SMG7: variants seen among roughly 807,000 people sequenced by gnomAD.
SMG7 encodes nonsense-mediated mRNA decay factor SMG7.
SMG7 carries 34 observed loss-of-function variants against 148.2 expected under a neutral mutation model. The ratio of observed to expected loss-of-function variants is 0.23; its 90% CI spans 0.17 to 0.31. SMG7 has a LOEUF of 0.31. Among genes scored for constraint, SMG7 ranks in the 10% least tolerant of loss-of-function variants. The pLI, the probability that SMG7 is intolerant of heterozygous loss-of-function variation, is 1.00. For missense variants in SMG7, 1,114 were observed against 1,408.4 expected (o/e 0.79, Z 3.35); for synonymous variants, 492 against 515.1 (o/e 0.96, Z 0.61).
chr1:183,540,978 T>C lies in SMG7; in HGVS notation c.1296-6T>C. ...TATTCTCATAACTTGCTTGTGTCAA[T>C]TTTAGGAACTTGGATTTTTCCAAAG... On this transcript the variant is annotated splice_region_variant and splice_polypyrimidine_tract_variant and intron_variant, in intron 12 of 22. Transcript: ENST00000688051. 1 of 1,611,024 alleles carries C rather than the reference T, an allele frequency of 6.2e-7. No homozygotes were observed. The highest frequency in any genetic ancestry group is 8.5e-7 in the Non-Finnish European group (1 of 1,178,436).
At chr1:183,538,466 T>A (rs1307248456) in intron 12 of SMG7, 26 bp downstream of exon 12, 2 of 1,469,954 alleles carry the variant, frequency 1.4e-6, no homozygotes, top group Non-Finnish European at 1.9e-6. Context: ...AGTACCTTTA[T>A]CATTGCCAGT....
intron 1 of SMG7, among the ~76,000 whole-genome samples, chr1:183,477,416 GTGTA>G (rs1006554594): frequency 6.7e-6 from 1 of 149,208 alleles, no homozygotes; most frequent in Non-Finnish European, 1.5e-5. Flanking sequence ...GTGTGTGTGT[GTGTA>G]TGTGTGCATA....
chr1:183,489,277 C>T (rs1656335939), intron 1 of SMG7, among the ~76,000 whole-genome samples: 1 of 152,126 alleles, frequency 6.6e-6, no homozygotes, highest in Non-Finnish European at 1.5e-5. Flanking sequence ...CTGCCCAGGT[C>T]TGGTCCTCAT....
At chr1:183,491,812 C>A (rs1285942541) in intron 1 of SMG7, among the ~76,000 whole-genome samples, 1 of 152,098 alleles carries the variant, frequency 6.6e-6, no homozygotes, top group Non-Finnish European at 1.5e-5. Flanking sequence ...GCTGGGAAGT[C>A]CAGTATTAAG....
chr1:183,481,274 T>C (rs1654037075), intron 1 of SMG7, among the ~76,000 whole-genome samples: 1 of 152,198 alleles, frequency 6.6e-6, no homozygotes, highest in Non-Finnish European at 1.5e-5. Context: ...TCTCTTCCCA[T>C]GTCATTTCCC....
intron 1 of SMG7, among the ~76,000 whole-genome samples, chr1:183,501,977 C>T (rs11799872): frequency 2.1e-3 from 314 of 152,152 alleles, no homozygotes; most frequent in African/African-American, 7.2e-3. Flanking sequence ...GCTTGGTAAC[C>T]GGTATCTGTT....
At chr1:183,486,890 A>G (rs1425729929) in intron 1 of SMG7, among the ~76,000 whole-genome samples, 1 of 152,038 alleles carries the variant, frequency 6.6e-6, no homozygotes, top group African/African-American at 2.4e-5. Context: ...CTTCGTAGAG[A>G]TGGGTCTCTC....
intron 2 of SMG7, 69 bp from the exon 3 acceptor site, chr1:183,515,805 G>C (rs752234371): frequency 5.7e-6 from 5 of 876,610 alleles, no homozygotes; most frequent in African/African-American, 1.7e-5. Flanking sequence ...GGAGTCACTG[G>C]TGTGGTATAA....
chr1:183,499,477 G>A lies in SMG7; in HGVS notation c.30-13360G>A, dbSNP rs563681536. 8.5e-5 allele frequency among the ~76,000 whole-genome samples: 13 copies of A among 152,224 alleles called. No homozygotes were observed. The South Asian group carries it at 2.7e-3, about 32-fold the overall frequency. ...TCGTAGATCATTATTGTTTTAACTT[G>A]CATTTCCCTGAGACGTTTTATGTGG... On this transcript the variant is annotated intron_variant, in intron 1 of 22. Transcript: ENST00000688051.
intron 7 of SMG7, 54 bp downstream of exon 7, chr1:183,529,096 G>C: frequency 6.7e-7 from 1 of 1,503,580 alleles, no homozygotes; most frequent in Non-Finnish European, 9.0e-7. Context: ...GTAACCTGGA[G>C]CCTTAATTCC....
At position 183,528,992 on chromosome 1, in the gene SMG7, C is replaced by T; in HGVS notation, c.657C>T (p.Phe219=). 6.2e-7 allele frequency: 1 copy of T among 1,613,752 alleles called. No homozygotes were observed. The highest frequency in any genetic ancestry group is 1.1e-5 in the South Asian group (1 of 91,060). Residue 219 remains phenylalanine (F), a synonymous_variant, in exon 7 of 23, where the codon TTC becomes TTT. Coordinates refer to ENST00000688051, the MANE Select transcript of SMG7 (RefSeq NM_001375584.1). ...YCRSIAVKFP[F]PAASTNLQKA... ...GAAGCATTGCTGTGAAGTTCCCTTT[C>T]CCAGCTGCCTCCACTAATCTGCAAA...
rs1432859537 is a variant in SMG7 at position 183,487,058 on chromosome 1, A to G, written c.29+14409A>G. ...GTGAAAGGGCTGGAGATGTAGGACC[A>G]GTAGCGGTATTCGTTTCCTTTTCCT... On this transcript the variant is annotated intron_variant, in intron 1 of 22. Transcript: ENST00000688051. 5.3e-5 allele frequency among the ~76,000 whole-genome samples: 8 copies of G among 152,216 alleles called. No individual in the cohort carries two copies. The East Asian group carries it at 1.3e-3, about 26-fold the overall frequency.
chr1:183,534,310 C>T (rs895470736), intron 10 of SMG7, among the ~76,000 whole-genome samples: 1 of 152,152 alleles, frequency 6.6e-6, no homozygotes, highest in African/African-American at 2.4e-5. Flanking sequence ...TCACCATTTT[C>T]TCTGTCATCT....
At chr1:183,499,729 T>C (rs1042451537) in intron 1 of SMG7, among the ~76,000 whole-genome samples, 3 of 152,234 alleles carry the variant, frequency 2.0e-5, no homozygotes. Context: ...TACTTTGTCT[T>C]GTAATGTCCC....
At chr1:183,508,837 T>C (rs1057176208) in intron 1 of SMG7, among the ~76,000 whole-genome samples, 11 of 152,236 alleles carry the variant, frequency 7.2e-5, no homozygotes, top group African/African-American at 2.7e-4. Flanking sequence ...TCTAATTATA[T>C]GAGACTGTAT....
chr1:183,501,196 T>A (rs1424280320), intron 1 of SMG7: 1 of 152,176 alleles, frequency 6.6e-6, no homozygotes. Flanking sequence ...TTTTGAGGGC[T>A]TACTTACCAA....
chr1:183,492,621 A>G (rs11583362), intron 1 of SMG7, among the ~76,000 whole-genome samples: 84 of 152,240 alleles, frequency 5.5e-4, no homozygotes, highest in Non-Finnish European at 9.8e-4. Context: ...TGTTATAACT[A>G]TAGTTCAGTT....
chr1:183,477,517 CAT>C (rs1377766978), intron 1 of SMG7, among the ~76,000 whole-genome samples: 15 of 138,518 alleles, frequency 1.1e-4, no homozygotes, highest in African/African-American at 1.9e-4. Context: ...TGCATATATA[CAT>C]GTGTGTGCAT....
rs1022655032 is a variant in SMG7 at position 183,526,692 on chromosome 1, A to G, written c.409A>G (p.Ser137Gly). Residue 137 changes from serine to glycine, a missense_variant, in exon 5 of 23, where the codon AGC becomes GGC. Ser to Gly is a moderately conservative substitution (Grantham distance 56). Coordinates refer to ENST00000688051, the MANE Select transcript of SMG7 (RefSeq NM_001375584.1). ...GIISNKQTHTSAIVKPQSSSC... is the reference protein window; with the variant it reads ...GIISNKQTHTGAIVKPQSSSC... ...TATCAGCAATAAACAGACGCATACC[A>G]GCGCCATAGTGAAGCCACAGTCTAG... 6.8e-6 allele frequency: 11 copies of G among 1,613,742 alleles called. No homozygotes were observed. The highest frequency in any genetic ancestry group is 1.3e-5 in the African/African-American group (1 of 74,936).
Sources: allele counts gnomAD v4.1 joint callset (sites outside exome capture counted in the v4.1 genomes callset), GRCh38; gene constraint gnomAD v4.1.1; transcripts MANE v1.5; gene names NCBI Gene and HGNC (gene_info 2026-07-23, HGNC 2026-07-21).